The following MAML2 variants were observed in gnomAD, a reference collection of about 807,000 sequenced individuals.
MAML2 encodes the protein mastermind-like protein 2.
A neutral mutation model predicts 96.1 loss-of-function variants in MAML2; 22 were observed. The observed-to-expected ratio is 0.23, with a 90% CI of 0.16 to 0.33. MAML2 has a LOEUF of 0.33. Among genes scored for constraint, MAML2 ranks in the 10% least tolerant of loss-of-function variants. The pLI, the probability that MAML2 is intolerant of heterozygous loss-of-function variation, is 1.00. For synonymous variants in MAML2, 561 were observed against 521.3 expected (o/e 1.08, Z -1.04); for missense variants, 1,367 against 1,392.4 (o/e 0.98, Z 0.29).
intron 1 of MAML2, among the ~76,000 whole-genome samples, chr11:96,184,566 A>G (rs1188699146): frequency 2.0e-5 from 3 of 151,838 alleles, no homozygotes; most frequent in Admixed American, 1.3e-4. Flanking sequence ...ATGGAATGCA[A>G]GCAACTCTGA....
At position 96,092,673 on chromosome 11, in the gene MAML2, T is replaced by C; in HGVS notation, c.1358A>G (p.Gln453Arg). The change falls in exon 2 of 5, where the codon CAG becomes CGG. Residue 453 changes from glutamine (Q) to arginine (R), a missense_variant. Transcript: ENST00000524717. The surrounding 1 kb of genome is among the most constrained non-coding windows in gnomAD (Gnocchi z 4.1). ...CCAGTTGGTAGGCTGGTGCTGCTGC[T>C]GGTGCTGCTGCATCCGGGCATGCTG... is the stretch of plus-strand genomic sequence containing the variant. ...RQQHARMQQHQQQHQPTNWSA... is the reference protein window; with the variant it reads ...RQQHARMQQHRQQHQPTNWSA... 6.2e-7 allele frequency: 1 copy of C among 1,613,966 alleles called. No individual in the cohort carries two copies. The highest frequency in any genetic ancestry group is 8.5e-7 in the Non-Finnish European group (1 of 1,179,884).
chr11:96,319,394 T>C (rs539129008), intron 1 of MAML2, among the ~76,000 whole-genome samples: 54 of 152,364 alleles, frequency 3.5e-4, no homozygotes, highest in African/African-American at 1.2e-3. Context: ...TTTGCTGCTT[T>C]CAACTGCCAA....
intron 1 of MAML2, among the ~76,000 whole-genome samples, chr11:96,168,114 C>T (rs2135896985): frequency 6.6e-6 from 1 of 152,264 alleles, no homozygotes; most frequent in South Asian, 2.1e-4. Context: ...AACTCTGTGC[C>T]ATTTACAGGC....
chr11:96,313,964 C>G (rs1379065903), intron 1 of MAML2, among the ~76,000 whole-genome samples: 2 of 152,146 alleles, frequency 1.3e-5, no homozygotes, highest in Non-Finnish European at 2.9e-5. Context: ...CCTGATACAT[C>G]CCGTGAAGTA....
At chr11:96,002,525 T>C (rs980721897) in intron 2 of MAML2, among the ~76,000 whole-genome samples, 17 of 148,192 alleles carry the variant, frequency 1.1e-4, no homozygotes, top group Admixed American at 8.7e-4. Flanking sequence ...ACGATGATGA[T>C]GGGGCTGATG....
chr11:96,026,424 A>G (rs926891632), intron 2 of MAML2, among the ~76,000 whole-genome samples: 1 of 152,186 alleles, frequency 6.6e-6, no homozygotes, highest in African/African-American at 2.4e-5. Context: ...TTTGGCCATC[A>G]TTTTAAGTCT....
intron 1 of MAML2, among the ~76,000 whole-genome samples, chr11:96,299,689 C>T (rs1198174238): frequency 2.0e-5 from 3 of 152,192 alleles, no homozygotes; most frequent in Admixed American, 2.0e-4. Flanking sequence ...ACGTGCTCCT[C>T]CTTACAGTTG....
rs1859721005 is a variant in MAML2, at chr11:96,092,099, C to T, written c.1932G>A (p.Gln644=). 3.3e-6 allele frequency: 5 copies of T among 1,537,784 alleles called. No homozygotes were observed. Among genetic ancestry groups the T allele is most frequent in the African/African-American group, 1.4e-5 (1 of 72,596 alleles). ...SSISAQQQQQ[Q]QQQQQQQQQQ... The stretch of plus-strand genomic sequence containing the variant: ...GTTGCTGCTGCTGCTGCTGTTGTTG[C>T]TGCTGCTGCTGCTGTTGGGCTGAAA... The change falls in exon 2 of 5, where the codon CAG becomes CAA. Residue 644 remains glutamine (Q), a synonymous_variant. Coordinates refer to ENST00000524717, the MANE Select transcript of MAML2 (RefSeq NM_032427.4). This position sits in a 1 kb window ranked among gnomAD's most constrained non-coding sequence, Gnocchi z 4.1.
At chr11:96,081,793 T>C (rs900337180) in intron 2 of MAML2, among the ~76,000 whole-genome samples, 4 of 152,234 alleles carry the variant, frequency 2.6e-5, no homozygotes, top group African/African-American at 7.2e-5. Context: ...GGTATTGTCA[T>C]TGTCATTTTA....
At chr11:96,305,777 G>A (rs1026591455) in intron 1 of MAML2, among the ~76,000 whole-genome samples, 3 of 152,088 alleles carry the variant, frequency 2.0e-5, no homozygotes, top group African/African-American at 7.2e-5. Context: ...TACGGTAACT[G>A]GAAATTAAGG....
At chr11:96,280,911 G>C (rs1266493495) in intron 1 of MAML2, among the ~76,000 whole-genome samples, 1 of 152,062 alleles carries the variant, frequency 6.6e-6, no homozygotes, top group Non-Finnish European at 1.5e-5. Flanking sequence ...CATTACTTCT[G>C]TACTCAAGTA....
chr11:96,154,762 C>A (rs1182189593), intron 1 of MAML2, among the ~76,000 whole-genome samples: 1 of 152,134 alleles, frequency 6.6e-6, no homozygotes, highest in African/African-American at 2.4e-5. Flanking sequence ...ACTTACGATT[C>A]AGGATGTGAC....
chr11:96,256,086 C>G (rs770670131), intron 1 of MAML2, among the ~76,000 whole-genome samples: 1 of 151,948 alleles, frequency 6.6e-6, no homozygotes, highest in Non-Finnish European at 1.5e-5. Flanking sequence ...TGTGGCCAGG[C>G]TGGTCTCGAA....
At chr11:96,209,435 C>T (rs1301434514) in intron 1 of MAML2, among the ~76,000 whole-genome samples, 3 of 152,110 alleles carry the variant, frequency 2.0e-5, no homozygotes, top group East Asian at 1.9e-4. Context: ...GTCAGGAGTT[C>T]GAGACCAGAC....
chr11:96,024,695 T>A (rs1488934376), intron 2 of MAML2, among the ~76,000 whole-genome samples: 1 of 152,212 alleles, frequency 6.6e-6, no homozygotes, highest in Non-Finnish European at 1.5e-5. Flanking sequence ...TGCCTAAGGA[T>A]CATTTTTGGC....
At chr11:96,259,891 G>T (rs1862724198) in intron 1 of MAML2, among the ~76,000 whole-genome samples, 1 of 151,294 alleles carries the variant, frequency 6.6e-6, no homozygotes, top group South Asian at 2.1e-4. Flanking sequence ...TCAGTATAAA[G>T]GTTACCTTAA....
intron 1 of MAML2, among the ~76,000 whole-genome samples, chr11:96,257,931 T>C (rs1316835139): frequency 6.7e-6 from 1 of 148,238 alleles, no homozygotes; most frequent in Non-Finnish European, 1.5e-5. Context: ...TCCTGCAGTC[T>C]CTCATTGCTC....
intron 1 of MAML2, among the ~76,000 whole-genome samples, chr11:96,290,036 A>T (rs892458004): frequency 1.3e-5 from 2 of 152,098 alleles, no homozygotes; most frequent in African/African-American, 4.8e-5. Flanking sequence ...GTGTATTTTT[A>T]TTACTTTGTT....
At chr11:96,318,311 C>A (rs921653296) in intron 1 of MAML2, among the ~76,000 whole-genome samples, 1 of 152,158 alleles carries the variant, frequency 6.6e-6, no homozygotes, top group African/African-American at 2.4e-5. Context: ...CAAGGTAACA[C>A]AGGAAGAAGT....
Sources: gnomAD v4.1 joint callset for allele counts (sites outside exome capture counted in the v4.1 genomes callset) on GRCh38, gnomAD v4.1.1 for gene constraint, Gnocchi (gnomAD v3.1) non-coding constraint, MANE v1.5 for transcripts, NCBI Gene and HGNC (gene_info 2026-07-23, HGNC 2026-07-21) for gene names.